MTUS1: variants seen among roughly 807,000 people sequenced by gnomAD.
The protein encoded by MTUS1 is microtubule associated scaffold protein 1, also known as microtubule-associated tumor suppressor 1.
Under a neutral mutation model 120.8 loss-of-function variants are expected in MTUS1, and 109 were observed. The observed-to-expected ratio is 0.90, with a 90% CI of 0.77 to 1.06. MTUS1 has a LOEUF of 1.06. Among genes scored for constraint, MTUS1 ranks in the 50% least tolerant of loss-of-function variants. MTUS1 has a pLI of 0.00. For missense variants in MTUS1, 2,210 were observed against 1,486.3 expected (o/e 1.49, Z -8.01); for synonymous variants, 737 against 550.5 (o/e 1.34, Z -4.74).
intron 1 of MTUS1, among the ~76,000 whole-genome samples, chr8:17,767,148 C>T (rs973269150): frequency 8.0e-5 from 11 of 137,292 alleles, no homozygotes; most frequent in East Asian, 4.2e-4. Context: ...TGATAATGAC[C>T]GACTTTTCTT....
chr8:17,689,564 C>T (rs918215786), intron 6 of MTUS1, among the ~76,000 whole-genome samples: 18 of 152,200 alleles, frequency 1.2e-4, no homozygotes, highest in Admixed American at 1.2e-3. Context: ...TCTTATGTAC[C>T]TAAAATGGAC....
intron 3 of MTUS1, among the ~76,000 whole-genome samples, chr8:17,736,232 G>T (rs149010750): frequency 6.6e-6 from 1 of 152,322 alleles, no homozygotes; most frequent in Non-Finnish European, 1.5e-5. Flanking sequence ...AAAAGATCAA[G>T]CATTTACAAG....
intron 1 of MTUS1, among the ~76,000 whole-genome samples, chr8:17,773,973 T>A (rs1342464368): frequency 6.6e-6 from 1 of 152,152 alleles, no homozygotes; most frequent in East Asian, 1.9e-4. Context: ...CCAACGTCCA[T>A]GTTCTTCCCC....
chr8:17,748,341 A>C (rs763582909), intron 2 of MTUS1: 1 of 152,184 alleles, frequency 6.6e-6, no homozygotes, highest in Non-Finnish European at 1.5e-5. Context: ...AGCCACTTTC[A>C]TTGCTAAATA....
chr8:17,676,393 G>A (rs568298058), intron 7 of MTUS1: 10 of 701,048 alleles, frequency 1.4e-5, no homozygotes, highest in African/African-American at 1.0e-4. Context: ...ACAGGTGGCC[G>A]CGCCACCCAC....
intron 1 of MTUS1, among the ~76,000 whole-genome samples, chr8:17,770,782 C>G (rs1036209956): frequency 8.6e-4 from 131 of 152,288 alleles, no homozygotes; most frequent in African/African-American, 3.0e-3. Context: ...AACTTGTACG[C>G]AGATGTTTCT....
At chr8:17,718,790 A>C (rs1002771693) in intron 4 of MTUS1, among the ~76,000 whole-genome samples, 3 of 151,750 alleles carry the variant, frequency 2.0e-5, no homozygotes, top group African/African-American at 4.8e-5. Flanking sequence ...GTTCAAGTGA[A>C]ATAAAGGAGC....
At chr8:17,742,407 A>G (rs1429356177) in intron 3 of MTUS1, among the ~76,000 whole-genome samples, 1 of 149,544 alleles carries the variant, frequency 6.7e-6, no homozygotes, top group Non-Finnish European at 1.5e-5. Flanking sequence ...AAACCACCAC[A>G]CCCAGCCAGG....
chr8:17,715,831 T>A lies in MTUS1; in HGVS notation c.2520A>T (p.Gly840=), dbSNP rs762623784. The change falls in exon 5 of 15, where the codon GGA becomes GGT. Residue 840 remains glycine, a synonymous_variant. Coordinates refer to ENST00000693296, the MANE Select transcript of MTUS1 (RefSeq NM_001363059.2). The part of the protein sequence containing the change: ...PKPAFQNGSS[G]SFYLKPLVSR... ...ATACCAAAGGCTTCAAATAAAAGGA[T>A]CCTGAGGAACCATTCTGAAATGCTG... The A allele has an allele frequency of 1.2e-6, 2 of 1,614,068 alleles. No homozygotes were observed. The highest frequency in any genetic ancestry group is 1.1e-5 in the South Asian group (1 of 91,070).
chr8:17,721,716 T>C, intron 4 of MTUS1: 1 of 1,556,268 alleles, frequency 6.4e-7, no homozygotes, highest in Non-Finnish European at 8.7e-7. Context: ...ACCTACTTTT[T>C]TTCCCAGTAA....
At chr8:17,682,445 G>A (rs1486907553) in intron 7 of MTUS1, among the ~76,000 whole-genome samples, 1 of 149,982 alleles carries the variant, frequency 6.7e-6, no homozygotes, top group African/African-American at 2.5e-5. Flanking sequence ...TTGAACCCGG[G>A]AGGTGGAGGT....
chr8:17,694,391 C>T (rs1464369519), intron 6 of MTUS1, among the ~76,000 whole-genome samples: 1 of 152,180 alleles, frequency 6.6e-6, no homozygotes, highest in East Asian at 1.9e-4. Context: ...TTTGGCCAGA[C>T]GTGGTAGCTC....
In MTUS1 at chr8:17,689,538, A is replaced by G. The variant is rs570584519; in HGVS notation, c.2624-4996T>C. On this transcript the variant is annotated intron_variant, in intron 6 of 14. Transcript: ENST00000693296. ...TTTTCCATATAGCTGGCAGGAAAAAACCAAATTTCTCATACTCTTATGTAC... is the reference window on the plus strand; with the variant it reads ...TTTTCCATATAGCTGGCAGGAAAAAGCCAAATTTCTCATACTCTTATGTAC... Among the ~76,000 whole-genome samples the G allele has an allele frequency of 2.6e-5, 4 of 152,316 alleles. No individual in the cohort carries two copies. In the South Asian group the frequency reaches 6.2e-4, roughly 24 times the overall value.
chr8:17,754,187 A>G lies in MTUS1; in HGVS notation c.1621T>C (p.Ser541Pro). Residue 541 changes from serine to proline, a missense_variant, in exon 2 of 15, where the codon TCA (serine) becomes CCA (proline). Physicochemically the swap from Ser to Pro is moderately conservative, Grantham distance 74. Transcript: ENST00000693296. ...TPRPQQTSAS[S>P]PSSVNSRQQT... ...TGTCTTGAATTCACTGATGAGGGTG[A>G]TGAGGCACTGGTCTGCTGAGGTCTG... 1.2e-6 allele frequency: 2 copies of G among 1,613,996 alleles called. No individual in the cohort carries two copies. The highest frequency in any genetic ancestry group is 8.5e-7 in the Non-Finnish European group (1 of 1,180,028).
chr8:17,701,652 A>T (rs542230971), intron 6 of MTUS1, among the ~76,000 whole-genome samples: 19 of 152,010 alleles, frequency 1.2e-4, no homozygotes, highest in Non-Finnish European at 2.4e-4. Flanking sequence ...GGTTCAAGTG[A>T]TTCTCCTGCC....
chr8:17,776,640 C>T (rs893329635), intron 1 of MTUS1, among the ~76,000 whole-genome samples: 1 of 132,766 alleles, frequency 7.5e-6, no homozygotes, highest in South Asian at 2.6e-4. Flanking sequence ...GACTGCACCA[C>T]GGCACTCCAG....
intron 1 of MTUS1, among the ~76,000 whole-genome samples, chr8:17,760,531 G>A (rs1026250597): frequency 2.6e-5 from 4 of 152,074 alleles, no homozygotes; most frequent in Non-Finnish European, 4.4e-5. Context: ...AGGGGTGACC[G>A]GCCTTCGCTC....
chr8:17,789,343 T>C (rs1314119185), intron 1 of MTUS1, among the ~76,000 whole-genome samples: 1 of 152,176 alleles, frequency 6.6e-6, no homozygotes, highest in African/African-American at 2.4e-5. Flanking sequence ...TTTTAGTTTT[T>C]AAATTATATG....
chr8:17,655,892 C>T lies in MTUS1; in HGVS notation c.3079G>A (p.Glu1027Lys), dbSNP rs530192944. 1.9e-5 allele frequency: 31 copies of T among 1,614,238 alleles called. No homozygotes were observed. In the African/African-American group the frequency reaches 3.3e-4, roughly 17 times the overall value. The change falls in exon 9 of 15, where the codon GAG becomes AAG. Residue 1027 changes from glutamate to lysine, a missense_variant. Transcript: ENST00000693296. ...KLRDTYIEEAEKYKMQLQEQF... is the reference protein window; with the variant it reads ...KLRDTYIEEAKKYKMQLQEQF... ...TCTTGCAATTGCATTTTGTACTTCT[C>T]TGCTTCTTCAATGTAAGTGTCCCGA...
Sources: allele counts gnomAD v4.1 joint callset (sites outside exome capture counted in the v4.1 genomes callset), GRCh38; gene constraint gnomAD v4.1.1; transcripts MANE v1.5; gene names NCBI Gene and HGNC (gene_info 2026-07-23, HGNC 2026-07-21).